The following GRIK4 variants were observed in gnomAD, a reference collection of about 807,000 sequenced individuals.
GRIK4 encodes glutamate receptor ionotropic, kainate 4.
A neutral mutation model predicts 104.9 loss-of-function variants in GRIK4; 40 were observed. The ratio of observed to expected loss-of-function variants is 0.38; its 90% CI spans 0.30 to 0.50. The LOEUF (loss-of-function observed/expected upper bound fraction) is 0.50. Ranked by LOEUF, GRIK4 falls within the 20% of genes least tolerant of loss-of-function variation. GRIK4 has a pLI of 0.93. For synonymous variants in GRIK4, 485 were observed against 524.9 expected (o/e 0.92, Z 1.04); for missense variants, 1,047 against 1,308.1 (o/e 0.80, Z 3.08).
At chr11:120,879,222 T>C (rs1274583154) in intron 11 of GRIK4, among the ~76,000 whole-genome samples, 1 of 152,166 alleles carries the variant, frequency 6.6e-6, no homozygotes, top group Non-Finnish European at 1.5e-5. Context: ...TTTCCTGGAA[T>C]CCCTAAAACC....
At chr11:120,670,865 C>T (rs1950005225) in intron 3 of GRIK4, among the ~76,000 whole-genome samples, 1 of 152,132 alleles carries the variant, frequency 6.6e-6, no homozygotes, top group Non-Finnish European at 1.5e-5. Context: ...TGTCCCCCAC[C>T]CCTCGACAGG....
At chr11:120,757,805 C>T (rs373772950) in intron 3 of GRIK4, among the ~76,000 whole-genome samples, 7 of 152,174 alleles carry the variant, frequency 4.6e-5, no homozygotes, top group African/African-American at 1.4e-4. Context: ...CTCTGGGCTT[C>T]GGAGGGCAGG....
intron 16 of GRIK4, among the ~76,000 whole-genome samples, chr11:120,958,801 AG>A (rs1271901053): frequency 6.6e-6 from 1 of 152,120 alleles, no homozygotes; most frequent in Non-Finnish European, 1.5e-5. Flanking sequence ...GTCCACACCT[AG>A]GGCTCATTAA....
intron 2 of GRIK4, among the ~76,000 whole-genome samples, chr11:120,655,032 T>A (rs1949682961): frequency 6.6e-6 from 1 of 152,170 alleles, no homozygotes; most frequent in African/African-American, 2.4e-5. Context: ...CACACCAAAC[T>A]GGGAATTTAT....
intron 3 of GRIK4, among the ~76,000 whole-genome samples, chr11:120,705,555 A>C (rs2135342612): frequency 6.6e-6 from 1 of 152,308 alleles, no homozygotes. Flanking sequence ...AAAAGCCACT[A>C]GAATTTTGAT....
At chr11:120,886,375 G>A (rs1193630494) in intron 11 of GRIK4, among the ~76,000 whole-genome samples, 4 of 152,120 alleles carry the variant, frequency 2.6e-5, no homozygotes, top group African/African-American at 4.8e-5. Context: ...GTGCTATCTC[G>A]TGTTCCTACC....
chr11:120,915,380 G>C (rs999225224), intron 13 of GRIK4, among the ~76,000 whole-genome samples: 2 of 152,148 alleles, frequency 1.3e-5, no homozygotes, highest in African/African-American at 4.8e-5. Flanking sequence ...TGGCAGTTTC[G>C]TGACTGCAGC....
chr11:120,892,185 C>A (rs1003105213), intron 11 of GRIK4, among the ~76,000 whole-genome samples: 1 of 151,854 alleles, frequency 6.6e-6, no homozygotes, highest in African/African-American at 2.4e-5. Context: ...TGCACTTGAA[C>A]GCGGGAGGAA....
At chr11:120,947,170 G>A (rs534676003) in intron 14 of GRIK4, among the ~76,000 whole-genome samples, 28 of 152,312 alleles carry the variant, frequency 1.8e-4, no homozygotes, top group South Asian at 4.1e-4. Context: ...TTGGGAGGCC[G>A]AGGCAGGCGG....
intron 4 of GRIK4, among the ~76,000 whole-genome samples, chr11:120,812,944 G>C (rs777084985): frequency 2.0e-5 from 3 of 152,220 alleles, no homozygotes; most frequent in Non-Finnish European, 4.4e-5. Flanking sequence ...GTGAAAGACT[G>C]ACCAGAGAAC....
chr11:120,910,825 T>C (rs927987527), intron 13 of GRIK4, among the ~76,000 whole-genome samples: 4 of 152,236 alleles, frequency 2.6e-5, no homozygotes, highest in African/African-American at 4.8e-5. Flanking sequence ...AGAAGGGCTC[T>C]GAACTCTGCC....
At chr11:120,719,389 T>C (rs939519974) in intron 3 of GRIK4, among the ~76,000 whole-genome samples, 3 of 152,188 alleles carry the variant, frequency 2.0e-5, no homozygotes, top group African/African-American at 7.2e-5. Flanking sequence ...TGGTAGAATA[T>C]GAAGGTTTTA....
chr11:120,611,846 C>T (rs1336465726), intron 1 of GRIK4, among the ~76,000 whole-genome samples: 1 of 152,184 alleles, frequency 6.6e-6, no homozygotes, highest in Non-Finnish European at 1.5e-5. Flanking sequence ...AGGCCTGGTG[C>T]GCCCCACCTG....
chr11:120,690,327 A>C (rs1053206050), intron 3 of GRIK4, among the ~76,000 whole-genome samples: 11 of 152,200 alleles, frequency 7.2e-5, no homozygotes, highest in African/African-American at 2.7e-4. Flanking sequence ...TTGATGTTCG[A>C]GAATGATCTT....
chr11:120,745,612 T>A (rs1951424996), intron 3 of GRIK4, among the ~76,000 whole-genome samples: 1 of 152,180 alleles, frequency 6.6e-6, no homozygotes, highest in South Asian at 2.1e-4. Context: ...TGAAAGGGTA[T>A]GAACATCTTA....
At chr11:120,548,841 G>A (rs1222648969) in intron 1 of GRIK4, among the ~76,000 whole-genome samples, 1 of 152,184 alleles carries the variant, frequency 6.6e-6, no homozygotes, top group Non-Finnish European at 1.5e-5. Flanking sequence ...AGCAGAAGGG[G>A]CCGAATCTGC....
intron 4 of GRIK4, among the ~76,000 whole-genome samples, chr11:120,815,082 C>T (rs1469905940): frequency 6.6e-6 from 1 of 152,260 alleles, no homozygotes; most frequent in Non-Finnish European, 1.5e-5. Flanking sequence ...TAGCCTCTGT[C>T]CTTCTGTGAC....
At chr11:120,536,438 A>G (rs765499139) in intron 1 of GRIK4, among the ~76,000 whole-genome samples, 34 of 152,226 alleles carry the variant, frequency 2.2e-4, no homozygotes, top group Middle Eastern at 6.3e-3. Flanking sequence ...AAAGCTGTAC[A>G]TCGCCCTGGG....
At chr11:120,946,854 G>C (rs1333495970) in intron 14 of GRIK4, among the ~76,000 whole-genome samples, 1 of 152,058 alleles carries the variant, frequency 6.6e-6, no homozygotes, top group Non-Finnish European at 1.5e-5. Context: ...CAGTGTCAAC[G>C]CTATTCTTTA....
Sources: gnomAD v4.1 joint callset for allele counts (sites outside exome capture counted in the v4.1 genomes callset) on GRCh38, gnomAD v4.1.1 for gene constraint, MANE v1.5 for transcripts, NCBI Gene and HGNC (gene_info 2026-07-23, HGNC 2026-07-21) for gene names.